Variants in C8orf34 observed in about 807,000 individuals in gnomAD.
C8orf34 encodes the protein uncharacterized protein C8orf34.
In C8orf34, 65 loss-of-function variants were observed where a neutral mutation model predicts 68.3. That is an observed-to-expected ratio of 0.95 (90% CI 0.78 to 1.17). The LOEUF (loss-of-function observed/expected upper bound fraction) is 1.17. C8orf34 is among the 50% of genes most tolerant of loss of function. The pLI, the probability that C8orf34 is intolerant of heterozygous loss-of-function variation, is 0.00. For synonymous variants in C8orf34, 244 were observed against 241.2 expected, an observed-to-expected ratio of 1.01 and a Z score of -0.11; for missense variants, 664 against 655.4, an observed-to-expected ratio of 1.01 and a Z score of -0.14.
intron 6 of C8orf34, among the ~76,000 whole-genome samples, chr8:68,523,453 T>C (rs1814843516): frequency 6.6e-6 from 1 of 152,190 alleles, no homozygotes; most frequent in Non-Finnish European, 1.5e-5. Flanking sequence ...CGGACTCCCT[T>C]ATCTAGAAAA....
chr8:68,763,087 A>C (rs920733825), intron 10 of C8orf34, among the ~76,000 whole-genome samples: 2 of 152,176 alleles, frequency 1.3e-5, no homozygotes, highest in African/African-American at 4.8e-5. Flanking sequence ...CTACTGGATA[A>C]ATTCTCCTTG....
intron 1 of C8orf34, among the ~76,000 whole-genome samples, chr8:68,341,257 C>A (rs371863183): frequency 6.6e-6 from 1 of 152,030 alleles, no homozygotes; most frequent in Non-Finnish European, 1.5e-5. Context: ...ATGCCAATCC[C>A]GTTCATGAGG....
intron 1 of C8orf34, among the ~76,000 whole-genome samples, chr8:68,366,552 A>G (rs1299098032): frequency 1.3e-5 from 2 of 151,410 alleles, no homozygotes; most frequent in Non-Finnish European, 2.9e-5. Flanking sequence ...AAACAGAGAT[A>G]TAGATTAATG....
At chr8:68,379,752 A>C (rs2129620146) in intron 1 of C8orf34, among the ~76,000 whole-genome samples, 1 of 152,368 alleles carries the variant, frequency 6.6e-6, no homozygotes, top group Non-Finnish European at 1.5e-5. Context: ...GTAGAAAAGA[A>C]AAAAGTCAGG....
At chr8:68,794,505 ATTTT>A (rs57673879) in intron 12 of C8orf34, among the ~76,000 whole-genome samples, 2 of 62,222 alleles carry the variant, frequency 3.2e-5, no homozygotes, top group African/African-American at 1.2e-4. Context: ...ATATATATAT[ATTTT>A]TTTTTTTTTT....
intron 7 of C8orf34, among the ~76,000 whole-genome samples, chr8:68,566,706 TC>T: frequency 9.9e-6 from 1 of 100,944 alleles, no homozygotes; most frequent in African/African-American, 5.2e-5. Context: ...GCTTTGATCT[TC>T]TTTCCAGGCC....
At chr8:68,555,774 G>GTAGGTA (rs1384133441) in intron 7 of C8orf34, among the ~76,000 whole-genome samples, 2 of 152,110 alleles carry the variant, frequency 1.3e-5, no homozygotes, top group Non-Finnish European at 2.9e-5. Flanking sequence ...ATTTATTCAT[G>GTAGGTA]TAGGTATATG....
At chr8:68,717,733 T>G (rs1488785658) in intron 9 of C8orf34, among the ~76,000 whole-genome samples, 1 of 152,194 alleles carries the variant, frequency 6.6e-6, no homozygotes, top group African/African-American at 2.4e-5. Flanking sequence ...TTACAGATGT[T>G]GCATTTTTAT....
chr8:68,537,838 G>A (rs555914220), intron 7 of C8orf34, among the ~76,000 whole-genome samples: 1 of 151,876 alleles, frequency 6.6e-6, no homozygotes, highest in South Asian at 2.1e-4. Flanking sequence ...GCAAATCGTA[G>A]AGATTATCCT....
intron 10 of C8orf34, among the ~76,000 whole-genome samples, chr8:68,775,288 C>T (rs1823483434): frequency 6.6e-6 from 1 of 152,058 alleles, no homozygotes. Flanking sequence ...GCTTTTAGCA[C>T]ACTTATTTAA....
At chr8:68,620,703 A>G (rs4993630) in intron 7 of C8orf34, among the ~76,000 whole-genome samples, 73,514 of 150,172 alleles carry the variant, frequency 0.49, 18,880 homozygotes, top group Non-Finnish European at 0.56. Flanking sequence ...AAAAAAAAAA[A>G]GAAAAAGAAA....
intron 12 of C8orf34, among the ~76,000 whole-genome samples, chr8:68,809,473 C>A (rs1824581844): frequency 6.7e-6 from 1 of 149,224 alleles, no homozygotes; most frequent in African/African-American, 2.5e-5. Flanking sequence ...TAGGTGCTCT[C>A]CCAAGCTGGA....
chr8:68,439,486 A>G lies in C8orf34; in HGVS notation c.328-13A>G. 1 of 1,611,234 alleles carries G rather than the reference A, an allele frequency of 6.2e-7. No homozygotes were observed. Among genetic ancestry groups the G allele is most frequent in the Non-Finnish European group, 8.5e-7 (1 of 1,178,794 alleles). ...ATTATTAATTATAATTGTGTGCTCT[A>G]TTCTGCCTTCAGGAATTAATGACCA... is the stretch of plus-strand genomic sequence containing the variant. On this transcript the variant is annotated splice_polypyrimidine_tract_variant and intron_variant, in intron 1 of 13. Transcript: ENST00000518698.
intron 1 of C8orf34, among the ~76,000 whole-genome samples, chr8:68,416,579 T>C (rs1809676689): frequency 6.6e-6 from 1 of 152,000 alleles, no homozygotes; most frequent in Admixed American, 6.6e-5. Flanking sequence ...TTGCCCAGGC[T>C]GGAGTGCAGT....
intron 5 of C8orf34, among the ~76,000 whole-genome samples, chr8:68,501,521 G>A (rs1464093908): frequency 1.7e-4 from 26 of 152,182 alleles, no homozygotes; most frequent in Admixed American, 1.7e-3. Flanking sequence ...TCCAGAAAAG[G>A]AAAGGTCTTT....
At chr8:68,509,128 G>C (rs1814150833) in intron 5 of C8orf34, among the ~76,000 whole-genome samples, 1 of 152,112 alleles carries the variant, frequency 6.6e-6, no homozygotes, top group African/African-American at 2.4e-5. Context: ...TAAGGATAAG[G>C]ATAAAGACCA....
intron 7 of C8orf34, among the ~76,000 whole-genome samples, chr8:68,637,777 T>C (rs2130724239): frequency 6.6e-6 from 1 of 152,294 alleles, no homozygotes; most frequent in South Asian, 2.1e-4. Context: ...GATTTATCCA[T>C]GTAAGTTCAA....
At chr8:68,744,073 A>G (rs1822394830) in intron 10 of C8orf34, among the ~76,000 whole-genome samples, 1 of 152,042 alleles carries the variant, frequency 6.6e-6, no homozygotes, top group African/African-American at 2.4e-5. Context: ...TGGGTCCCTG[A>G]CCCCTGACCC....
At chr8:68,749,952 C>T (rs560550726) in intron 10 of C8orf34, among the ~76,000 whole-genome samples, 1 of 152,174 alleles carries the variant, frequency 6.6e-6, no homozygotes, top group East Asian at 1.9e-4. Flanking sequence ...GCAAATCTTT[C>T]TGTGGACATG....
Sources: gnomAD v4.1 joint callset for allele counts (sites outside exome capture counted in the v4.1 genomes callset) on GRCh38, gnomAD v4.1.1 for gene constraint, MANE v1.5 for transcripts, NCBI Gene and HGNC (gene_info 2026-07-23, HGNC 2026-07-21) for gene names.